The following UIMC1 variants were observed in gnomAD, a reference collection of about 807,000 sequenced individuals.
UIMC1 encodes the protein ubiquitin interaction motif containing 1.
Under a neutral mutation model 84.9 loss-of-function variants are expected in UIMC1, and 42 were observed. The observed-to-expected ratio is 0.49, with a 90% CI of 0.39 to 0.64. The LOEUF is 0.64. Ranked by LOEUF, UIMC1 falls within the 30% of genes least tolerant of loss-of-function variation. The pLI is 0.00. For missense variants in UIMC1, 825 were observed against 847.6 expected (o/e 0.97, Z 0.33); for synonymous variants, 281 against 293.0 (o/e 0.96, Z 0.42).
chr5:177,020,665 T>C (rs1274030004), intron 1 of UIMC1, among the ~76,000 whole-genome samples: 1 of 152,146 alleles, frequency 6.6e-6, no homozygotes, highest in East Asian at 1.9e-4. Context: ...TCTTCTGACC[T>C]CGTGATCCAC....
chr5:176,905,286 A>T lies in UIMC1; in HGVS notation c.2156T>A (p.Phe719Tyr). 1 of 1,613,744 alleles carries T rather than the reference A, an allele frequency of 6.2e-7. No homozygotes were observed. The highest frequency in any genetic ancestry group is 8.5e-7 in the Non-Finnish European group (1 of 1,179,786). ...CAACTTTTGGACCCTAGAAATTCAGAATTTTCTCCTTCTTCCTCTGCCAGC... is the reference window on the plus strand; with the variant it reads ...CAACTTTTGGACCCTAGAAATTCAGTATTTTCTCCTTCTTCCTCTGCCAGC... Reference protein sequence around the residue: ...TKAGRGRRRKF With the variant: ...TKAGRGRRRKY Residue 719 changes from phenylalanine (F) to tyrosine (Y), a missense_variant, in exon 15 of 15, where the codon TTC becomes TAC. Transcript: ENST00000511320.
At chr5:177,009,475 T>C (rs918660164), upstream of UIMC1, among the ~76,000 whole-genome samples, 29 of 152,234 alleles carry the variant, frequency 1.9e-4, no homozygotes, top group African/African-American at 6.3e-4. The surrounding 1 kb of genome is among the most constrained non-coding windows in gnomAD (Gnocchi z 4.3). Flanking sequence ...TGTGAAATAA[T>C]AAGTTTCCTT....
At chr5:176,922,389 C>T (rs1225355823) in intron 10 of UIMC1, among the ~76,000 whole-genome samples, 5 of 152,230 alleles carry the variant, frequency 3.3e-5, no homozygotes. Flanking sequence ...CTACAATTGG[C>T]TTAGCCAGAA....
chr5:176,939,093 AGAAAAT>A (rs1764087127), intron 10 of UIMC1, among the ~76,000 whole-genome samples: 1 of 151,806 alleles, frequency 6.6e-6, no homozygotes, highest in Non-Finnish European at 1.5e-5. Context: ...TCTCTACAAA[AGAAAAT>A]ATAAAAAACT....
chr5:177,012,281 A>G (rs1475591223), intron 1 of UIMC1, among the ~76,000 whole-genome samples: 1 of 152,118 alleles, frequency 6.6e-6, no homozygotes, highest in Non-Finnish European at 1.5e-5. Flanking sequence ...TATTTAACAC[A>G]TTATTTGTCT....
intron 10 of UIMC1, among the ~76,000 whole-genome samples, chr5:176,938,984 G>A (rs1176191801): frequency 1.3e-5 from 2 of 151,750 alleles, no homozygotes; most frequent in Non-Finnish European, 2.9e-5. Context: ...CAGGCAAGGT[G>A]GCTCACACCT....
rs1419284561 is a variant in UIMC1, at chr5:176,982,330, T to C, written c.147+139A>G. ...AGTAATTCTTCATTCCATTTACAAA[T>C]TAAAACAAAGCTGAGTAAAAATTTC... On this transcript the variant is annotated intron_variant, in intron 2 of 14. Coordinates refer to ENST00000511320, the MANE Select transcript of UIMC1 (RefSeq NM_001199298.2). 5.2e-6 allele frequency: 5 copies of C among 966,656 alleles called. No individual in the cohort carries two copies. In the East Asian group the frequency reaches 1.3e-4, roughly 24 times the overall value. The allele number at this position is 966,656 out of a possible 1,614,324, so 59.9% of individuals were successfully genotyped here.
chr5:176,924,767 G>A (rs534630066), intron 10 of UIMC1, among the ~76,000 whole-genome samples: 207 of 152,194 alleles, frequency 1.4e-3, no homozygotes, highest in Non-Finnish European at 2.0e-3. Context: ...GCAGCCGGGC[G>A]CGGTGGCTCA....
intron 10 of UIMC1, among the ~76,000 whole-genome samples, chr5:176,929,815 G>A (rs913057751): frequency 6.6e-6 from 1 of 152,164 alleles, no homozygotes. Context: ...GAAGAAAGTG[G>A]TATGAAAATC....
At chr5:176,911,165 G>GAA in intron 11 of UIMC1, 146 bp downstream of exon 11, 1 of 206,438 alleles carries the variant, frequency 4.8e-6, no homozygotes, top group Non-Finnish European at 8.3e-6. Context: ...GAAAAGAAAA[G>GAA]AAAAGAAAAG....
At chr5:177,005,770 TC>T (rs1775166982) in intron 1 of UIMC1, among the ~76,000 whole-genome samples, 6 of 152,098 alleles carry the variant, frequency 3.9e-5, no homozygotes, top group Admixed American at 3.9e-4. Context: ...GGGTGTCATT[TC>T]TATATCTCGG....
At chr5:177,020,520 T>C (rs1775766006) in intron 1 of UIMC1, among the ~76,000 whole-genome samples, 1 of 152,216 alleles carries the variant, frequency 6.6e-6, no homozygotes, top group Non-Finnish European at 1.5e-5. Flanking sequence ...AAGCTCCGCC[T>C]GCTGGGTTCA....
intron 10 of UIMC1, among the ~76,000 whole-genome samples, chr5:176,928,362 C>A (rs1003406885): frequency 2.6e-5 from 4 of 152,098 alleles, no homozygotes; most frequent in Admixed American, 1.3e-4. Context: ...AGTACATTTT[C>A]TGAGGGCCTA....
intron 3 of UIMC1, among the ~76,000 whole-genome samples, chr5:176,973,088 G>C (rs984214061): frequency 1.3e-5 from 2 of 151,886 alleles, no homozygotes. Flanking sequence ...GCTAATTTTT[G>C]TATTTTTAGT....
intron 2 of UIMC1, among the ~76,000 whole-genome samples, chr5:176,979,308 T>C (rs1305764357): frequency 7.3e-5 from 11 of 151,386 alleles, no homozygotes; most frequent in South Asian, 4.2e-4. Context: ...ATAGAATACA[T>C]AGTCGTTACC....
At chr5:176,933,795 C>T (rs1763401798) in intron 10 of UIMC1, among the ~76,000 whole-genome samples, 1 of 151,980 alleles carries the variant, frequency 6.6e-6, no homozygotes, top group Non-Finnish European at 1.5e-5. Flanking sequence ...CTCAGCGTCC[C>T]AATGTGCTTG....
At chr5:176,958,069 G>A (rs1766833323) in intron 7 of UIMC1, 24 bp downstream of exon 7, 2 of 1,611,614 alleles carry the variant, frequency 1.2e-6, no homozygotes, top group Admixed American at 3.3e-5. Flanking sequence ...AGAGGAGAAT[G>A]CATAGCAACA....
At chr5:177,012,553 C>T (rs542929522) in intron 1 of UIMC1, among the ~76,000 whole-genome samples, 34 of 152,048 alleles carry the variant, frequency 2.2e-4, no homozygotes, top group Non-Finnish European at 4.0e-4. Context: ...ACTAGCCAGG[C>T]GCGGTGGCAG....
intron 1 of UIMC1, among the ~76,000 whole-genome samples, chr5:176,990,188 A>T (rs937348612): frequency 4.6e-5 from 7 of 151,930 alleles, no homozygotes; most frequent in Non-Finnish European, 7.4e-5. Flanking sequence ...TACAAAAAAA[A>T]AAAACAAAAA....
Sources: allele counts gnomAD v4.1 joint callset (sites outside exome capture counted in the v4.1 genomes callset), GRCh38; gene constraint gnomAD v4.1.1; non-coding constraint Gnocchi (gnomAD v3.1); transcripts MANE v1.5; gene names NCBI Gene and HGNC (gene_info 2026-07-23, HGNC 2026-07-21).